The following KCNQ5 variants were observed in gnomAD, a reference collection of about 807,000 sequenced individuals.
KCNQ5 encodes potassium voltage-gated channel subfamily Q member 5.
KCNQ5 carries 30 observed loss-of-function variants against 98.2 expected under a neutral mutation model. The observed-to-expected ratio is 0.31, with a 90% CI of 0.23 to 0.41. KCNQ5 has a LOEUF of 0.41. Among genes scored for constraint, KCNQ5 ranks in the 10% least tolerant of loss-of-function variants. The pLI, the probability that KCNQ5 is intolerant of heterozygous loss-of-function variation, is 1.00. For missense variants in KCNQ5, 835 were observed against 1,182.5 expected (o/e 0.71, Z 4.31); for synonymous variants, 458 against 449.4 (o/e 1.02, Z -0.24).
intron 1 of KCNQ5, among the ~76,000 whole-genome samples, chr6:72,846,443 G>T (rs1777025223): frequency 6.6e-6 from 1 of 152,064 alleles, no homozygotes; most frequent in Non-Finnish European, 1.5e-5. Context: ...CAACATTGAG[G>T]TGGGAGGATT....
chr6:72,639,342 G>T (rs550723460), intron 1 of KCNQ5, among the ~76,000 whole-genome samples: 1 of 152,328 alleles, frequency 6.6e-6, no homozygotes, highest in East Asian at 1.9e-4. Flanking sequence ...AGGATAGAAG[G>T]CGAGGGGCCA....
chr6:72,748,894 G>A (rs544752258), intron 1 of KCNQ5, among the ~76,000 whole-genome samples: 4 of 152,240 alleles, frequency 2.6e-5, no homozygotes, highest in African/African-American at 9.6e-5. Flanking sequence ...TCCTGCACTG[G>A]CTCTGACACG....
chr6:73,157,484 C>A, intron 10 of KCNQ5: 1 of 701,526 alleles, frequency 1.4e-6, no homozygotes, highest in South Asian at 1.5e-5. Context: ...CACAGATTCC[C>A]AGAACCAACT....
chr6:72,706,643 C>G (rs1481723558), intron 1 of KCNQ5, among the ~76,000 whole-genome samples: 2 of 152,066 alleles, frequency 1.3e-5, no homozygotes, highest in African/African-American at 4.8e-5. Flanking sequence ...TTACCTTAGT[C>G]AGTTCCTAAT....
chr6:73,008,823 TATGCCATTATGTTAGCC>T (rs1769931476), intron 2 of KCNQ5, among the ~76,000 whole-genome samples: 1 of 152,194 alleles, frequency 6.6e-6, no homozygotes, highest in Non-Finnish European at 1.5e-5. Flanking sequence ...ATGTTATTCA[TATGCCATTATGTTAGCC>T]CGCAAGTTAA....
chr6:72,709,985 C>G (rs1480768702), intron 1 of KCNQ5, among the ~76,000 whole-genome samples: 1 of 151,774 alleles, frequency 6.6e-6, no homozygotes, highest in Non-Finnish European at 1.5e-5. Context: ...AAAAATAAAG[C>G]TATATAAGGG....
At chr6:72,867,204 G>T (rs1004938537) in intron 1 of KCNQ5, among the ~76,000 whole-genome samples, 1 of 152,162 alleles carries the variant, frequency 6.6e-6, no homozygotes, top group African/African-American at 2.4e-5. Flanking sequence ...CAAAAAATTT[G>T]CTTAGCTTTT....
chr6:73,041,630 T>C (rs1181563141), intron 2 of KCNQ5, among the ~76,000 whole-genome samples: 1 of 152,202 alleles, frequency 6.6e-6, no homozygotes, highest in Admixed American at 6.5e-5. Context: ...AGCTACACTA[T>C]AAATTCCAGA....
intron 1 of KCNQ5, among the ~76,000 whole-genome samples, chr6:72,869,578 C>G (rs961695522): frequency 1.3e-5 from 2 of 152,032 alleles, no homozygotes; most frequent in Non-Finnish European, 1.5e-5. Context: ...TGACAAGCAT[C>G]GCCTTTGTAA....
intron 1 of KCNQ5, among the ~76,000 whole-genome samples, chr6:72,736,688 A>T (rs1465109206): frequency 6.8e-6 from 1 of 148,118 alleles, no homozygotes; most frequent in Non-Finnish European, 1.5e-5. Context: ...TTTAGTAGAG[A>T]CGGGGTTTCA....
chr6:73,133,537 A>T lies in KCNQ5; in HGVS notation c.1364A>T (p.Glu455Val). 1 of 1,614,198 alleles carries T rather than the reference A, an allele frequency of 6.2e-7. No homozygotes were observed. The highest frequency in any genetic ancestry group is 1.1e-5 in the South Asian group (1 of 91,088). ...RRSPSTDITA[E>V]GSPTKVQKSW... ...TCCCCAAGCACCGACATCACAGCCGAGGGCAGTCCCACCAAAGTGCAGAAG... is the reference window on the plus strand; with the variant it reads ...TCCCCAAGCACCGACATCACAGCCGTGGGCAGTCCCACCAAAGTGCAGAAG... The change falls in exon 10 of 14, where the codon GAG (glutamate) becomes GTG (valine). Residue 455 changes from glutamate to valine, a missense_variant. Physicochemically the swap from Glu to Val is moderately radical, Grantham distance 121. This residue lies in a region of KCNQ5 where 146 missense variants were observed against 256.7 expected (regional missense o/e 0.57). Transcript: ENST00000370398.
chr6:73,120,871 A>G (rs1775716028), intron 8 of KCNQ5, among the ~76,000 whole-genome samples: 1 of 152,194 alleles, frequency 6.6e-6, no homozygotes, highest in African/African-American at 2.4e-5. Context: ...AAAGCCCACC[A>G]GCATCCTAAA....
intron 3 of KCNQ5, among the ~76,000 whole-genome samples, chr6:73,054,014 T>C (rs1258086207): frequency 6.6e-6 from 1 of 152,040 alleles, no homozygotes; most frequent in Non-Finnish European, 1.5e-5. Flanking sequence ...AAAGGGATGT[T>C]ACCACCTACC....
intron 1 of KCNQ5, among the ~76,000 whole-genome samples, chr6:72,662,352 A>G (rs1349952768): frequency 6.6e-6 from 1 of 152,244 alleles, no homozygotes; most frequent in Non-Finnish European, 1.5e-5. Flanking sequence ...CTTTCCTTGT[A>G]TAGTAAAATA....
chr6:72,993,981 G>A (rs1436478753), intron 1 of KCNQ5, among the ~76,000 whole-genome samples: 1 of 68,932 alleles, frequency 1.5e-5, no homozygotes, highest in Non-Finnish European at 2.8e-5. Flanking sequence ...CGGGGGTCAG[G>A]GGTCAGGGAC....
intron 1 of KCNQ5, among the ~76,000 whole-genome samples, chr6:72,884,994 C>G (rs138986162): frequency 1.4e-3 from 216 of 152,264 alleles, no homozygotes; most frequent in Non-Finnish European, 2.2e-3. Context: ...TTCCTACACA[C>G]AAGTCACTTC....
chr6:72,726,746 TAAAGG>T (rs1770302353), intron 1 of KCNQ5, among the ~76,000 whole-genome samples: 1 of 152,184 alleles, frequency 6.6e-6, no homozygotes, highest in South Asian at 2.1e-4. Flanking sequence ...GTTCTGTAGT[TAAAGG>T]AAAGAAAGAA....
chr6:72,622,278 G>A lies in KCNQ5; in HGVS notation c.89G>A (p.Gly30Glu), dbSNP rs756542782. The A allele has an allele frequency of 3.1e-5, 40 of 1,277,012 alleles. No homozygotes were observed. Among genetic ancestry groups the A allele is most frequent in the Admixed American group, 4.1e-5 (1 of 24,098 alleles). The allele number at this position is 1,277,012 out of a possible 1,614,324, so 79.1% of individuals were successfully genotyped here. A position where few individuals can be genotyped will look rare whatever the true frequency, so the allele number is the denominator to read the frequency against. ...SGAAAAAAGG[G>E]RLGSGMKDVE... The stretch of plus-strand genomic sequence containing the variant: ...GCAGCGGCGGCGGCGGCGGGCGGGG[G>A]GCGCTTGGGCAGCGGCATGAAGGAT... The change falls in exon 1 of 14, where the codon GGG becomes GAG. Residue 30 changes from glycine to glutamate, a missense_variant. By Grantham distance (98) the Gly-to-Glu change is moderately conservative (BLOSUM62 -2). Around this residue, in one of 10 missense-constraint regions of KCNQ5, gnomAD observed 80 missense variants for 72.3 expected, o/e 1.11. Coordinates refer to ENST00000370398, the MANE Select transcript of KCNQ5 (RefSeq NM_019842.4). This position sits in a 1 kb window ranked among gnomAD's most constrained non-coding sequence, Gnocchi z 6.0.
In KCNQ5 at chr6:72,622,709, T is replaced by A; in HGVS notation, c.398+122T>A. The A allele has an allele frequency of 9.9e-7, 1 of 1,009,248 alleles. No individual in the cohort carries two copies. Among genetic ancestry groups the A allele is most frequent in the Non-Finnish European group, 1.4e-6 (1 of 690,520 alleles). 62.5% of individuals were successfully genotyped at this position (1,009,248 alleles called of 1,614,324 possible). The stretch of plus-strand genomic sequence containing the variant: ...GCGTGCACACGTGGTGGCTTTTATT[T>A]CTTCGCACGTGTTCGTGGTCTTCCT... On this transcript the variant is annotated intron_variant, in intron 1 of 13. Coordinates refer to ENST00000370398, the MANE Select transcript of KCNQ5 (RefSeq NM_019842.4). The surrounding 1 kb of genome is among the most constrained non-coding windows in gnomAD (Gnocchi z 6.0).
Sources: gnomAD v4.1 joint callset for allele counts (sites outside exome capture counted in the v4.1 genomes callset) on GRCh38, gnomAD v4.1.1 for gene constraint, gnomAD v4.1.1 regional missense constraint, Gnocchi (gnomAD v3.1) non-coding constraint, MANE v1.5 for transcripts, NCBI Gene and HGNC (gene_info 2026-07-23, HGNC 2026-07-21) for gene names.